FBXL7: variants seen among roughly 807,000 people sequenced by gnomAD.
FBXL7 encodes F-box and leucine rich repeat protein 7, also known as F-box/LRR-repeat protein 7.
FBXL7 carries 12 observed loss-of-function variants against 38.3 expected under a neutral mutation model. The observed-to-expected ratio is 0.31, with a 90% CI of 0.20 to 0.51. The LOEUF is 0.51. Among genes scored for constraint, FBXL7 ranks in the 20% least tolerant of loss-of-function variants. FBXL7 has a pLI of 0.98. For missense variants in FBXL7, 567 were observed against 676.4 expected, an observed-to-expected ratio of 0.84 and a Z score of 1.79; for synonymous variants, 297 against 300.9, an observed-to-expected ratio of 0.99 and a Z score of 0.13.
At chr5:15,767,095 T>C (rs1015669228) in intron 2 of FBXL7, among the ~76,000 whole-genome samples, 2 of 152,184 alleles carry the variant, frequency 1.3e-5, no homozygotes, top group Non-Finnish European at 2.9e-5. Context: ...GCTGCACATA[T>C]CAACCCTTCA....
At chr5:15,776,681 T>A (rs1017545305) in intron 2 of FBXL7, among the ~76,000 whole-genome samples, 2 of 152,178 alleles carry the variant, frequency 1.3e-5, no homozygotes, top group African/African-American at 4.8e-5. Flanking sequence ...CGCATATGTT[T>A]CTTATAACTT....
chr5:15,651,992 TTTATC>T (rs1419470812), intron 2 of FBXL7, among the ~76,000 whole-genome samples: 2 of 152,224 alleles, frequency 1.3e-5, no homozygotes, highest in East Asian at 1.9e-4. Context: ...CTCTTGCACT[TTTATC>T]TTATAGAAAC....
chr5:15,838,478 G>T (rs1738650893), intron 2 of FBXL7, among the ~76,000 whole-genome samples: 1 of 152,062 alleles, frequency 6.6e-6, no homozygotes, highest in African/African-American at 2.4e-5. Context: ...ATAACATTGG[G>T]GGTTAGGATT....
chr5:15,906,122 G>A (rs558033149), intron 2 of FBXL7, among the ~76,000 whole-genome samples: 4 of 151,976 alleles, frequency 2.6e-5, no homozygotes, highest in East Asian at 1.9e-4. Flanking sequence ...AAAGATCATC[G>A]CCAACATATC....
At chr5:15,611,861 G>T (rs1339637537) in intron 1 of FBXL7, among the ~76,000 whole-genome samples, 4 of 151,408 alleles carry the variant, frequency 2.6e-5, no homozygotes, top group Admixed American at 2.0e-4. Flanking sequence ...TGTGCCTGTA[G>T]TTCCAGCTAC....
intron 1 of FBXL7, among the ~76,000 whole-genome samples, chr5:15,552,848 C>G (rs1024831357): frequency 2.6e-5 from 4 of 152,184 alleles, no homozygotes; most frequent in Admixed American, 1.3e-4. Flanking sequence ...CTTTGGGAGG[C>G]TGAGGTGGGA....
chr5:15,821,751 T>C (rs1738174707), intron 2 of FBXL7, among the ~76,000 whole-genome samples: 1 of 152,170 alleles, frequency 6.6e-6, no homozygotes, highest in South Asian at 2.1e-4. Flanking sequence ...TCCAGAGCCC[T>C]CACTCATCCC....
chr5:15,506,926 T>C (rs960492526), intron 1 of FBXL7, among the ~76,000 whole-genome samples: 1 of 150,904 alleles, frequency 6.6e-6, no homozygotes, highest in South Asian at 2.1e-4. Flanking sequence ...GCACAAAGTA[T>C]AACATTATCC....
In FBXL7 at chr5:15,840,837, C is replaced by T. The variant is rs577829675; in HGVS notation, c.128-87053C>T. 7.6e-5 allele frequency among the ~76,000 whole-genome samples: 8 copies of T among 105,214 alleles called. No homozygotes were observed. The South Asian group carries it at 2.6e-3, about 34-fold the overall frequency. The allele number at this position is 105,214 out of a possible 152,430, so 69.0% of individuals were successfully genotyped here. On this transcript the variant is annotated intron_variant, in intron 2 of 3. Transcript: ENST00000504595. ...ACTCCAGCCTGGCAACAGAGCAAGA[C>T]TCTGTCTCAAAAAAAAAAAAAAAAA... is the stretch of plus-strand genomic sequence containing the variant.
At chr5:15,750,881 T>C (rs544772058) in intron 2 of FBXL7, among the ~76,000 whole-genome samples, 16 of 152,324 alleles carry the variant, frequency 1.1e-4, no homozygotes, top group African/African-American at 3.6e-4. Context: ...ACTGCAGATC[T>C]GAAGTTCACT....
chr5:15,733,498 A>T (rs1468118645), intron 2 of FBXL7, among the ~76,000 whole-genome samples: 1 of 152,244 alleles, frequency 6.6e-6, no homozygotes, highest in East Asian at 1.9e-4. Context: ...GAATCTGACA[A>T]ATATTCATTT....
rs1271975289 is a variant in FBXL7, at chr5:15,676,833, T to C, written c.127+60761T>C. 2.0e-5 allele frequency among the ~76,000 whole-genome samples: 3 copies of C among 152,216 alleles called. No homozygotes were observed. The East Asian group carries it at 5.8e-4, about 29-fold the overall frequency. The stretch of plus-strand genomic sequence containing the variant: ...AAGCACTCATGAACGTGTCCCCAAG[T>C]AAATGTTCCATATGTTAAATCCTGA... On this transcript the variant is annotated intron_variant, in intron 2 of 3. Coordinates refer to ENST00000504595, the MANE Select transcript of FBXL7 (RefSeq NM_012304.5).
At chr5:15,651,772 CA>C (rs1268488455) in intron 2 of FBXL7, among the ~76,000 whole-genome samples, 1 of 152,208 alleles carries the variant, frequency 6.6e-6, no homozygotes, top group Non-Finnish European at 1.5e-5. Flanking sequence ...TGGCCTCTAT[CA>C]AGAGAGTTAG....
chr5:15,638,875 A>T (rs1167940575), intron 2 of FBXL7, among the ~76,000 whole-genome samples: 1 of 152,114 alleles, frequency 6.6e-6, no homozygotes, highest in Non-Finnish European at 1.5e-5. Context: ...GATACTAGAA[A>T]CTAGATCGAG....
chr5:15,608,064 G>A (rs1486876701), intron 1 of FBXL7, among the ~76,000 whole-genome samples: 1 of 151,794 alleles, frequency 6.6e-6, no homozygotes, highest in Admixed American at 6.6e-5. Flanking sequence ...ATTTTTCCTG[G>A]ATATTTAAAT....
At chr5:15,612,669 G>A (rs1580406175) in intron 1 of FBXL7, among the ~76,000 whole-genome samples, 1 of 152,162 alleles carries the variant, frequency 6.6e-6, no homozygotes, top group African/African-American at 2.4e-5. Flanking sequence ...TCCAGTGTTT[G>A]TAGATGGATA....
intron 2 of FBXL7, among the ~76,000 whole-genome samples, chr5:15,688,936 G>A (rs1368351015): frequency 3.3e-5 from 5 of 152,190 alleles, no homozygotes; most frequent in Admixed American, 3.3e-4. Flanking sequence ...GAACCCTCTA[G>A]AATCCATACT....
chr5:15,855,747 C>T (rs1183049009), intron 2 of FBXL7, among the ~76,000 whole-genome samples: 1 of 152,024 alleles, frequency 6.6e-6, no homozygotes. Context: ...GTTTGCCAGG[C>T]TTTGTGATAG....
chr5:15,645,698 A>G (rs972723634), intron 2 of FBXL7, among the ~76,000 whole-genome samples: 6 of 152,216 alleles, frequency 3.9e-5, no homozygotes, highest in African/African-American at 1.2e-4. Context: ...CCTGCATGAT[A>G]TGAAAGCTAT....
Sources: allele counts gnomAD v4.1 joint callset (sites outside exome capture counted in the v4.1 genomes callset), GRCh38; gene constraint gnomAD v4.1.1; transcripts MANE v1.5; gene names NCBI Gene and HGNC (gene_info 2026-07-23, HGNC 2026-07-21).